PTPRD: variants seen among roughly 807,000 people sequenced by gnomAD.
PTPRD encodes the protein protein tyrosine phosphatase receptor type D, also known as receptor-type tyrosine-protein phosphatase delta.
A neutral mutation model predicts 214.5 loss-of-function variants in PTPRD; 34 were observed. That is an observed-to-expected ratio of 0.16 (90% CI 0.12 to 0.21). The LOEUF (loss-of-function observed/expected upper bound fraction) is 0.21. Ranked by LOEUF, PTPRD falls within the 10% of genes least tolerant of loss-of-function variation. The pLI, the probability that PTPRD is intolerant of heterozygous loss-of-function variation, is 1.00. For synonymous variants in PTPRD, 1,128 were observed against 845.7 expected (o/e 1.33, Z -5.79); for missense variants, 2,545 against 2,398.7 (o/e 1.06, Z -1.27).
intron 5 of PTPRD, among the ~76,000 whole-genome samples, chr9:9,795,712 A>C (rs1186722812): frequency 6.6e-6 from 1 of 152,204 alleles, no homozygotes; most frequent in East Asian, 1.9e-4. Flanking sequence ...GCAGTACTTC[A>C]AACTGCAAAT....
At chr9:9,638,919 G>A (rs1341472002) in intron 7 of PTPRD, among the ~76,000 whole-genome samples, 1 of 152,064 alleles carries the variant, frequency 6.6e-6, no homozygotes, top group East Asian at 1.9e-4. Flanking sequence ...GAAGGTGAAG[G>A]AGTAGAAAGA....
chr9:8,902,855 C>T (rs758823491), intron 11 of PTPRD, among the ~76,000 whole-genome samples: 39 of 152,006 alleles, frequency 2.6e-4, no homozygotes, highest in Non-Finnish European at 5.0e-4. Context: ...AATCATCATT[C>T]GAAGGTAATC....
chr9:9,937,502 G>C (rs945993870), intron 5 of PTPRD, among the ~76,000 whole-genome samples: 1 of 150,092 alleles, frequency 6.7e-6, no homozygotes, highest in African/African-American at 2.4e-5. Flanking sequence ...TATATATTTG[G>C]GCTATTTATG....
chr9:9,880,217 C>G (rs536700504), intron 5 of PTPRD, among the ~76,000 whole-genome samples: 7 of 152,236 alleles, frequency 4.6e-5, no homozygotes, highest in African/African-American at 1.7e-4. Context: ...CCTGCTTCCC[C>G]TTCCGCCATG....
chr9:10,000,407 A>T (rs1444335564), intron 4 of PTPRD, among the ~76,000 whole-genome samples: 1 of 152,118 alleles, frequency 6.6e-6, no homozygotes, highest in Non-Finnish European at 1.5e-5. Flanking sequence ...TGGTGCTGCA[A>T]ACAGAGCCCC....
intron 11 of PTPRD, among the ~76,000 whole-genome samples, chr9:8,802,728 T>G (rs1216722595): frequency 6.6e-6 from 1 of 152,170 alleles, no homozygotes; most frequent in Non-Finnish European, 1.5e-5. Flanking sequence ...TTGGGGAAAT[T>G]GCTTAAATTC....
rs1231742496 is a variant in PTPRD at position 8,341,164 on chromosome 9, T to G, written c.5052A>C (p.Thr1684=). The change falls in exon 41 of 46, where the codon ACA becomes ACC. Residue 1684 remains threonine, a synonymous_variant. Coordinates refer to ENST00000381196, the MANE Select transcript of PTPRD (RefSeq NM_002839.4). ...RLVNIMPYES[T]RVCLQPIRGV... ...CACGGATAGGCTGCAGGCATACCCT[T>G]GTGGATTCATATGGCATAATATTAA... 3 of 1,613,146 alleles carry G rather than the reference T, an allele frequency of 1.9e-6. No homozygotes were observed. Among genetic ancestry groups the G allele is most frequent in the Non-Finnish European group, 2.5e-6 (3 of 1,179,508 alleles).
At chr9:9,684,402 G>A (rs2097131757) in intron 7 of PTPRD, among the ~76,000 whole-genome samples, 1 of 151,550 alleles carries the variant, frequency 6.6e-6, no homozygotes, top group Non-Finnish European at 1.5e-5. Context: ...AACAACAGAT[G>A]TTAATTTTCC....
intron 12 of PTPRD, among the ~76,000 whole-genome samples, chr9:8,680,815 T>C (rs2097536190): frequency 6.6e-6 from 1 of 152,194 alleles, no homozygotes; most frequent in Admixed American, 6.5e-5. Context: ...AATTTTCCAC[T>C]GGAAACAATG....
At chr9:9,801,108 T>C (rs2099036912) in intron 5 of PTPRD, among the ~76,000 whole-genome samples, 1 of 152,306 alleles carries the variant, frequency 6.6e-6, no homozygotes, top group Non-Finnish European at 1.5e-5. Flanking sequence ...AGTCATCTTA[T>C]ATCAAAAGTA....
At chr9:8,350,736 C>A (rs1368266510) in intron 39 of PTPRD, among the ~76,000 whole-genome samples, 1 of 151,936 alleles carries the variant, frequency 6.6e-6, no homozygotes, top group South Asian at 2.1e-4. Context: ...ATATTAATTT[C>A]TTTGACAAAA....
In PTPRD at chr9:9,615,345, T is replaced by C. The variant is rs538852707; in HGVS notation, c.-286-40564A>G. Among the ~76,000 whole-genome samples the C allele has an allele frequency of 5.9e-4, 90 of 152,276 alleles. No homozygotes were observed. The South Asian group carries it at 8.3e-3, about 14-fold the overall frequency. On this transcript the variant is annotated intron_variant, in intron 7 of 45. Coordinates refer to ENST00000381196, the MANE Select transcript of PTPRD (RefSeq NM_002839.4). ...AGGCGCTGATCTGTTGCTCCTCACC[T>C]GCTGGCACTGCACTATAAAGGGTGG... is the stretch of plus-strand genomic sequence containing the variant.
intron 3 of PTPRD, among the ~76,000 whole-genome samples, chr9:10,040,672 T>A (rs2097280528): frequency 1.3e-5 from 2 of 152,022 alleles, no homozygotes; most frequent in Non-Finnish European, 1.5e-5. Flanking sequence ...TGGGCTAAAA[T>A]GGCTTAAACA....
intron 8 of PTPRD, among the ~76,000 whole-genome samples, chr9:9,422,774 G>C (rs1587984476): frequency 6.6e-6 from 1 of 152,114 alleles, no homozygotes. Flanking sequence ...AGGAACCCAG[G>C]AGTTAGCCCA....
intron 5 of PTPRD, among the ~76,000 whole-genome samples, chr9:9,881,013 C>T (rs1454238702): frequency 6.6e-6 from 1 of 152,056 alleles, no homozygotes; most frequent in Non-Finnish European, 1.5e-5. Context: ...TTTGGAAACC[C>T]TGCATTGAAA....
chr9:9,541,073 T>G (rs967008683), intron 8 of PTPRD, among the ~76,000 whole-genome samples: 2 of 151,842 alleles, frequency 1.3e-5, no homozygotes, highest in South Asian at 2.1e-4. Flanking sequence ...CATACCTTGC[T>G]GAGTGACAGG....
At chr9:9,880,535 T>C (rs114705123) in intron 5 of PTPRD, among the ~76,000 whole-genome samples, 126 of 152,274 alleles carry the variant, frequency 8.3e-4, no homozygotes, top group African/African-American at 3.0e-3. Context: ...TCTTCAGATA[T>C]TTACTTTTAT....
chr9:10,446,417 CTTTTTTTTTTTTTTT>C (rs34478548), intron 2 of PTPRD, among the ~76,000 whole-genome samples: 1 of 92,964 alleles, frequency 1.1e-5, no homozygotes, highest in East Asian at 3.2e-4. Flanking sequence ...CTATTTTTTT[CTTTTTTTTTTTTTTT>C]TTTTTTTTGC....
intron 39 of PTPRD, among the ~76,000 whole-genome samples, chr9:8,372,846 T>C (rs1241328102): frequency 6.6e-6 from 1 of 152,006 alleles, no homozygotes; most frequent in African/African-American, 2.4e-5. Context: ...TTCCTTTTTC[T>C]GTACTGCACC....
Sources: allele counts gnomAD v4.1 joint callset (sites outside exome capture counted in the v4.1 genomes callset), GRCh38; gene constraint gnomAD v4.1.1; transcripts MANE v1.5; gene names NCBI Gene and HGNC (gene_info 2026-07-23, HGNC 2026-07-21).